GPC3: variants seen among roughly 807,000 people sequenced by gnomAD.
GPC3 encodes glypican-3.
In GPC3, 3 loss-of-function variants were observed where a neutral mutation model predicts 34.4. The ratio of observed to expected loss-of-function variants is 0.09; its 90% CI spans 0.04 to 0.23. The LOEUF (loss-of-function observed/expected upper bound fraction) is 0.23. Among genes scored for constraint, GPC3 ranks in the 10% least tolerant of loss-of-function variants. The pLI is 1.00. For missense variants in GPC3, 351 were observed against 445.6 expected (o/e 0.79, Z 1.91); for synonymous variants, 177 against 174.0 (o/e 1.02, Z -0.13).
chrX:133,575,663 G>A (rs900638420), intron 7 of GPC3, among the ~76,000 whole-genome samples: 1 of 111,809 alleles, frequency 8.9e-6, no homozygotes, highest in Non-Finnish European at 1.9e-5. Context: ...AGAATAAGCT[G>A]TCCAAACCAA....
chrX:133,696,965 T>A (rs1219593027), intron 4 of GPC3, among the ~76,000 whole-genome samples: 1 of 112,290 alleles, frequency 8.9e-6, no homozygotes, highest in African/African-American at 3.2e-5. Context: ...TTTGCACGCA[T>A]GAGCCATTTT....
chrX:133,599,373 A>G (rs2069954970), intron 6 of GPC3, among the ~76,000 whole-genome samples: 1 of 112,299 alleles, frequency 8.9e-6, no homozygotes, highest in Non-Finnish European at 1.9e-5. Context: ...GATGAATACA[A>G]TGACTACTAG....
At chrX:133,814,675 C>G (rs1464558317) in intron 2 of GPC3, among the ~76,000 whole-genome samples, 1 of 110,922 alleles carries the variant, frequency 9.0e-6, no homozygotes, top group African/African-American at 3.3e-5. Context: ...CCAAGTGATT[C>G]TCCTGCCTCA....
chrX:133,836,726 T>C (rs1310998575), intron 2 of GPC3, among the ~76,000 whole-genome samples: 1 of 111,657 alleles, frequency 9.0e-6, no homozygotes, highest in Non-Finnish European at 1.9e-5. Context: ...GACTTTCTGT[T>C]TCGGGAAGAT....
chrX:133,574,720 T>C (rs1360705619), intron 7 of GPC3, among the ~76,000 whole-genome samples: 1 of 112,462 alleles, frequency 8.9e-6, no homozygotes, highest in African/African-American at 3.2e-5. Flanking sequence ...TTTATATTTT[T>C]ACAAAAGTTC....
At chrX:133,801,013 ATCT>A (rs1182062824) in intron 2 of GPC3, among the ~76,000 whole-genome samples, 4 of 112,234 alleles carry the variant, frequency 3.6e-5, no homozygotes, top group Non-Finnish European at 7.5e-5. Context: ...CATGTAAGAC[ATCT>A]TCTTTTACAA....
intron 2 of GPC3, among the ~76,000 whole-genome samples, chrX:133,780,128 C>T (rs1053224993): frequency 4.5e-5 from 5 of 111,489 alleles, no homozygotes; most frequent in African/African-American, 1.3e-4. Context: ...TAGGTTTGAT[C>T]TTGTAAGCTA....
intron 2 of GPC3, among the ~76,000 whole-genome samples, chrX:133,906,255 G>A (rs1350062670): frequency 8.9e-6 from 1 of 112,263 alleles, no homozygotes; most frequent in Non-Finnish European, 1.9e-5. Flanking sequence ...ATTAGGGAAA[G>A]AAGGGAGGAT....
chrX:133,672,265 A>G (rs1198657249), intron 5 of GPC3, among the ~76,000 whole-genome samples: 2 of 111,598 alleles, frequency 1.8e-5, no homozygotes, highest in Non-Finnish European at 3.8e-5. Flanking sequence ...ATAAAGAGAG[A>G]GAAAAGTAAA....
At chrX:133,591,539 G>A (rs2069847802) in intron 7 of GPC3, among the ~76,000 whole-genome samples, 1 of 111,365 alleles carries the variant, frequency 9.0e-6, no homozygotes, top group Non-Finnish European at 1.9e-5. Context: ...TGGGGGCTAG[G>A]CATCATTTTT....
chrX:133,611,939 G>A (rs891040817), intron 6 of GPC3, among the ~76,000 whole-genome samples: 2 of 112,092 alleles, frequency 1.8e-5, no homozygotes, highest in African/African-American at 6.5e-5. Context: ...CTGTGAGCTG[G>A]CAATGAAGAG....
chrX:133,818,899 T>TAAACA (rs2075705288), intron 2 of GPC3, among the ~76,000 whole-genome samples: 1 of 110,624 alleles, frequency 9.0e-6, no homozygotes, highest in Non-Finnish European at 1.9e-5. Flanking sequence ...CATGTTATGT[T>TAAACA]TATCATAACA....
intron 7 of GPC3, among the ~76,000 whole-genome samples, chrX:133,581,619 C>A (rs770149591): frequency 8.9e-6 from 1 of 112,418 alleles, no homozygotes; most frequent in African/African-American, 3.2e-5. Flanking sequence ...TTAGTTCTCA[C>A]AGAATGCTTT....
intron 2 of GPC3, among the ~76,000 whole-genome samples, chrX:133,770,882 T>C (rs1384577386): frequency 8.9e-6 from 1 of 111,773 alleles, no homozygotes; most frequent in Non-Finnish European, 1.9e-5. Context: ...ACCCTCAATA[T>C]CTCACAATAA....
intron 2 of GPC3, among the ~76,000 whole-genome samples, chrX:133,850,189 G>GTTTTTTTTTTTTTTTT (rs1282213093): frequency 6.9e-5 from 5 of 72,678 alleles, no homozygotes; most frequent in African/African-American, 3.8e-4. Flanking sequence ...TGTTTTTTGG[G>GTTTTTTTTTTTTTTTT]TTTTGTTTTT....
chrX:133,812,641 C>T (rs958231957), intron 2 of GPC3, among the ~76,000 whole-genome samples: 1 of 112,028 alleles, frequency 8.9e-6, no homozygotes, highest in African/African-American at 3.2e-5. Flanking sequence ...CACCCTATTC[C>T]GGCCAGGCAA....
intron 2 of GPC3, among the ~76,000 whole-genome samples, chrX:133,783,355 T>C (rs2072069239): frequency 8.9e-6 from 1 of 112,108 alleles, no homozygotes; most frequent in Admixed American, 9.4e-5. Flanking sequence ...CCTAGAAAGA[T>C]GGGCCTGTAT....
chrX:133,557,241 C>T (rs2069498310), intron 7 of GPC3, among the ~76,000 whole-genome samples: 1 of 111,071 alleles, frequency 9.0e-6, no homozygotes, highest in Admixed American at 9.6e-5. Flanking sequence ...TTGCAGTGAG[C>T]CGAGATCACG....
In GPC3 at chrX:133,535,878, C is replaced by T; in HGVS notation, c.*246G>A. Reference sequence around the variant, plus strand: ...AACATAGGAGAATAATTTGGCACAACTTGATGGTTTTTTTTCTTTCTTTGC... The same window carrying T: ...AACATAGGAGAATAATTTGGCACAATTTGATGGTTTTTTTTCTTTCTTTGC... On this transcript the variant is annotated 3_prime_UTR_variant, in exon 8 of 8. Coordinates refer to ENST00000370818, the MANE Select transcript of GPC3 (RefSeq NM_004484.4). The T allele has an allele frequency of 2.7e-6, 1 of 376,226 alleles. No individual in the cohort carries two copies. The highest frequency in any genetic ancestry group is 4.6e-6 in the Non-Finnish European group (1 of 218,450). 31.0% of individuals were successfully genotyped at this position (376,226 alleles called of 1,213,427 possible).
Sources: allele counts gnomAD v4.1 joint callset (sites outside exome capture counted in the v4.1 genomes callset), GRCh38; gene constraint gnomAD v4.1.1; transcripts MANE v1.5; gene names NCBI Gene and HGNC (gene_info 2026-07-23, HGNC 2026-07-21).